The following TRIML2 variants were observed in gnomAD, a reference collection of about 807,000 sequenced individuals.
TRIML2 encodes tripartite motif family like 2.
In TRIML2, 28 loss-of-function variants were observed where a neutral mutation model predicts 31.2. The ratio of observed to expected loss-of-function variants is 0.90; its 90% confidence interval spans 0.66 to 1.23. The LOEUF is 1.23. Ranked by LOEUF, TRIML2 falls within the 50% of genes most tolerant of loss-of-function variation. TRIML2 has a pLI of 0.00. For missense variants in TRIML2, 536 were observed against 528.3 expected (o/e 1.01, Z -0.14); for synonymous variants, 187 against 197.5 (o/e 0.95, Z 0.45).
In TRIML2 at chr4:188,101,251, C is replaced by T. The variant is rs762585923; in HGVS notation, c.286-1G>A. Reference sequence around the variant, plus strand: ...TCTTTTTAAAATTTTGTTCCTCTTCCTTCCTCATATAGACATGATAGACTT... The same window carrying T: ...TCTTTTTAAAATTTTGTTCCTCTTCTTTCCTCATATAGACATGATAGACTT... On this transcript the variant is annotated splice_acceptor_variant, in intron 3 of 7. Coordinates refer to ENST00000682553, the MANE Select transcript of TRIML2 (RefSeq NM_173553.4). LOFTEE classifies it high-confidence loss of function. 1.2e-6 allele frequency: 2 copies of T among 1,607,054 alleles called. No individual in the cohort carries two copies.
chr4:188,102,423 C>G (rs1057153759), intron 3 of TRIML2, among the ~76,000 whole-genome samples: 1 of 152,034 alleles, frequency 6.6e-6, no homozygotes. Context: ...TTTGATTAGT[C>G]AATTAGACAT....
intron 5 of TRIML2, chr4:188,098,123 GAAAA>G (rs527418962): frequency 1.2e-3 from 243 of 208,952 alleles, no homozygotes; most frequent in South Asian, 2.4e-3. Context: ...CCGTCTCGGG[GAAAA>G]AAAAAAAAAA....
chr4:188,105,229 T>A lies in TRIML2; in HGVS notation c.140A>T (p.His47Leu), dbSNP rs984415910. The change falls in exon 2 of 8, where the codon CAC (histidine) becomes CTC (leucine). Residue 47 changes from histidine (H) to leucine (L), a missense_variant. His to Leu is a moderately conservative substitution (Grantham distance 99). Transcript: ENST00000682553. ...LCSKCFQSQEHKHHMVCGIQE... is the reference protein window; with the variant it reads ...LCSKCFQSQELKHHMVCGIQE... The stretch of plus-strand genomic sequence containing the variant: ...TATCCCACACACCATGTGATGTTTG[T>A]GCTCCTGGGACTGGAAGCATTTGCT... 6.2e-7 allele frequency: 1 copy of A among 1,611,224 alleles called. No homozygotes were observed. Among genetic ancestry groups the A allele is most frequent in the Non-Finnish European group, 8.5e-7 (1 of 1,177,602 alleles).
rs115489079 is a variant in TRIML2, at chr4:188,105,703, T to G, written c.-222-113A>C. On this transcript the variant is annotated intron_variant, in intron 1 of 7. Transcript: ENST00000682553. ...ATTAATTACAAGGAACAGCACTCAC[T>G]TACGAGTCATTCAGGGGAAAACAGT... The G allele has an allele frequency of 2.3e-3, 509 of 220,698 alleles. 4 individuals are homozygous for G. Among genetic ancestry groups the G allele is most frequent in the African/African-American group, 0.011 (476 of 44,824 alleles). The allele number at this position is 220,698 out of a possible 1,614,324, so 13.7% of individuals were successfully genotyped here.
intron 1 of TRIML2, chr4:188,105,962 C>A: frequency 6.6e-6 from 1 of 152,548 alleles, no homozygotes; most frequent in Non-Finnish European, 1.5e-5. Context: ...AGCGATCCTC[C>A]CACCTCAGCT....
chr4:188,104,433 G>A (rs985942807), intron 3 of TRIML2, among the ~76,000 whole-genome samples: 3 of 151,066 alleles, frequency 2.0e-5, no homozygotes, highest in African/African-American at 4.9e-5. Context: ...GTGTGATCTC[G>A]GCTCACTGCA....
At chr4:188,103,690 G>T (rs756383143) in intron 3 of TRIML2, among the ~76,000 whole-genome samples, 1 of 152,016 alleles carries the variant, frequency 6.6e-6, no homozygotes, top group Non-Finnish European at 1.5e-5. Flanking sequence ...CACTTCCCAG[G>T]TAACATACTA....
chr4:188,096,000 G>A (rs1228254491), intron 7 of TRIML2, among the ~76,000 whole-genome samples: 1 of 152,190 alleles, frequency 6.6e-6, no homozygotes, highest in Admixed American at 6.5e-5. Flanking sequence ...ATAAGGACAG[G>A]AGATATAAAC....
chr4:188,101,241 G>A lies in TRIML2; in HGVS notation c.295C>T (p.Gln99Ter), dbSNP rs1733773875. The A allele has an allele frequency of 1.2e-6, 2 of 1,608,994 alleles. No individual in the cohort carries two copies. Among genetic ancestry groups the A allele is most frequent in the Non-Finnish European group, 1.7e-6 (2 of 1,178,616 alleles). ...GACTCAATCATCTTTTTAAAATTTT[G>A]TTCCTCTTCCTTCCTCATATAGACA... ...ERMAMIQEEE[Q>*]NFKKMIESEY... The change falls in exon 4 of 8, where the codon CAA becomes TAA. Residue 99 changes from glutamine to a stop codon, truncating the protein, a stop_gained. Coordinates refer to ENST00000682553, the MANE Select transcript of TRIML2 (RefSeq NM_173553.4). LOFTEE classifies it high-confidence loss of function.
Position 188,105,329 on chromosome 4 carries a change from T to C in TRIML2, c.40A>G (p.Thr14Ala), listed in dbSNP as rs746866427. 2.5e-6 allele frequency: 4 copies of C among 1,599,298 alleles called. No homozygotes were observed. The South Asian group carries it at 4.4e-5, about 18-fold the overall frequency. Residue 14 changes from threonine to alanine, a missense_variant, in exon 2 of 8, where the codon ACA becomes GCA. By Grantham distance (58) the Thr-to-Ala change is moderately conservative. Coordinates refer to ENST00000682553, the MANE Select transcript of TRIML2 (RefSeq NM_173553.4). Reference sequence around the variant, plus strand: ...TGTGTTTCACAATAGGCATCTTCTGTGATGTTGTGCTGTAACTGAGGGCTG... The same window carrying C: ...TGTGTTTCACAATAGGCATCTTCTGCGATGTTGTGCTGTAACTGAGGGCTG... ...RLSPQLQHNI[T>A]EDAYCETHLE... is the part of the protein sequence containing the mutation.
intron 1 of TRIML2, among the ~76,000 whole-genome samples, chr4:188,108,952 C>A (rs1489144441): frequency 5.3e-5 from 8 of 151,990 alleles, no homozygotes; most frequent in African/African-American, 1.9e-4. Flanking sequence ...CTGACATACT[C>A]GATGCACAAT....
At chr4:188,100,919 G>A in intron 4 of TRIML2, 137 bp downstream of exon 4, 1 of 680,318 alleles carries the variant, frequency 1.5e-6, no homozygotes, top group Non-Finnish European at 2.4e-6. Flanking sequence ...TCATAGAAAT[G>A]GAGTTGCCAG....
At chr4:188,098,123 G>GAAA (rs527418962) in intron 5 of TRIML2, 195 of 209,282 alleles carry the variant, frequency 9.3e-4, no homozygotes, top group South Asian at 2.0e-3. Context: ...CCGTCTCGGG[G>GAAA]AAAAAAAAAA....
chr4:188,104,877 CT>C lies in TRIML2; in HGVS notation c.244del (p.Ser82AlafsTer3), dbSNP rs780234921. ...TCTTTCTTGCTCATCAGTCAATATG[CT>C]TTTAGCTGCTTCAAGTTTCTCCCTC... Reference protein sequence around the residue: ...TSREKLEAAKSILTDEQERMA... With the variant: ...TSREKLEAAKXILTDEQERMA... On this transcript the variant is annotated frameshift_variant, in exon 3 of 8. Transcript: ENST00000682553. LOFTEE classifies it high-confidence loss of function. 7 of 1,613,946 alleles carry C rather than the reference CT, an allele frequency of 4.3e-6. No individual in the cohort carries two copies. The African/African-American group carries it at 9.3e-5, about 22-fold the overall frequency.
rs779362978 is a variant in TRIML2 at position 188,101,511 on chromosome 4, T to A, written c.286-261A>T. ...GAGATCGAGACCATACTGGCCAGCA[T>A]GGTGAAACCCCATCTCTACTAAAAA... On this transcript the variant is annotated intron_variant, in intron 3 of 7. Transcript: ENST00000682553. 2.7e-5 allele frequency among the ~76,000 whole-genome samples: 4 copies of A among 148,814 alleles called. No homozygotes were observed. In the South Asian group the frequency reaches 8.7e-4, roughly 32 times the overall value.
chr4:188,092,830 A>G, intron 7 of TRIML2: 1 of 456,126 alleles, frequency 2.2e-6, no homozygotes, highest in Non-Finnish European at 4.4e-6. Context: ...ACCTGCATGA[A>G]TACGTCTTCT....
chr4:188,101,257 CAT>C lies in TRIML2; in HGVS notation c.286-9_286-8del. On this transcript the variant is annotated splice_polypyrimidine_tract_variant and splice_region_variant and intron_variant, in intron 3 of 7. Transcript: ENST00000682553. ...TAAAATTTTGTTCCTCTTCCTTCCT[CAT>C]ATAGACATGATAGACTTCAGGTTAA... is the stretch of plus-strand genomic sequence containing the variant. The C allele has an allele frequency of 6.2e-7, 1 of 1,600,282 alleles. No individual in the cohort carries two copies. The highest frequency in any genetic ancestry group is 8.5e-7 in the Non-Finnish European group (1 of 1,171,968).
intron 2 of TRIML2, 60 bp downstream of exon 2, chr4:188,105,120 C>T (rs1464517823): frequency 6.4e-7 from 1 of 1,550,932 alleles, no homozygotes; most frequent in Non-Finnish European, 8.8e-7. Context: ...GAATGTCTGT[C>T]CATTTCATCC....
intron 5 of TRIML2, chr4:188,098,260 C>T (rs1186497318): frequency 2.2e-5 from 10 of 455,324 alleles, no homozygotes; most frequent in Non-Finnish European, 3.5e-5. Context: ...TTCTGGAGGC[C>T]GAATTTCAAG....
Sources: allele counts gnomAD v4.1 joint callset (sites outside exome capture counted in the v4.1 genomes callset), GRCh38; gene constraint gnomAD v4.1.1; transcripts MANE v1.5; gene names NCBI Gene and HGNC (gene_info 2026-07-23, HGNC 2026-07-21).